The following EBF2 variants were observed in gnomAD, a reference collection of about 807,000 sequenced individuals.
EBF2 encodes transcription factor COE2.
EBF2 carries 21 observed loss-of-function variants against 72.8 expected under a neutral mutation model. That is an observed-to-expected ratio of 0.29 (90% CI 0.20 to 0.42). The LOEUF (loss-of-function observed/expected upper bound fraction) is 0.42. Ranked by LOEUF, EBF2 falls within the 10% of genes least tolerant of loss-of-function variation. The pLI, the probability that EBF2 is intolerant of heterozygous loss-of-function variation, is 1.00. For synonymous variants in EBF2, 299 were observed against 274.2 expected (o/e 1.09, Z -0.89); for missense variants, 637 against 731.2 (o/e 0.87, Z 1.49).
chr8:25,946,345 A>G (rs1177000178), intron 6 of EBF2, among the ~76,000 whole-genome samples: 1 of 152,230 alleles, frequency 6.6e-6, no homozygotes, highest in African/African-American at 2.4e-5. Context: ...TCATAACGGT[A>G]TCTCTAATGC....
intron 6 of EBF2, among the ~76,000 whole-genome samples, chr8:26,021,995 T>G (rs1357357792): frequency 6.6e-6 from 1 of 152,212 alleles, no homozygotes; most frequent in Non-Finnish European, 1.5e-5. Context: ...CCACACAAAA[T>G]CACTGATTAT....
chr8:25,954,691 C>T (rs1424418077), intron 6 of EBF2, among the ~76,000 whole-genome samples: 1 of 152,156 alleles, frequency 6.6e-6, no homozygotes, highest in African/African-American at 2.4e-5. Flanking sequence ...CTTCCAGCAC[C>T]GCCCCCGCCC....
intron 6 of EBF2, among the ~76,000 whole-genome samples, chr8:25,912,466 G>GCGCACA (rs1554569532): frequency 7.3e-6 from 1 of 136,856 alleles, no homozygotes; most frequent in Non-Finnish European, 1.5e-5. Context: ...TCTAAAAATG[G>GCGCACA]CACACACACA....
chr8:25,862,769 G>C lies in EBF2; in HGVS notation c.1038C>G (p.Gly346=). The C allele has an allele frequency of 6.2e-7, 1 of 1,606,526 alleles. No individual in the cohort carries two copies. The highest frequency in any genetic ancestry group is 8.5e-7 in the Non-Finnish European group (1 of 1,175,722). ...TALNEPTIDY[G]FQRLQKVIPR... is the part of the protein sequence containing the mutation. ...GGATGACCTTCTGCAGTCTCTGGAAGCCATAGTCTATGGTGGGTTCATTTA... is the reference window on the plus strand; with the variant it reads ...GGATGACCTTCTGCAGTCTCTGGAACCCATAGTCTATGGTGGGTTCATTTA... Residue 346 remains glycine (G), a synonymous_variant, in exon 11 of 16, where the codon GGC becomes GGG. Transcript: ENST00000520164.
intron 6 of EBF2, among the ~76,000 whole-genome samples, chr8:25,916,340 A>C (rs1014925627): frequency 2.0e-5 from 3 of 152,040 alleles, no homozygotes; most frequent in Non-Finnish European, 4.4e-5. Flanking sequence ...ACAACAACAA[A>C]AAAACACTTT....
intron 6 of EBF2, among the ~76,000 whole-genome samples, chr8:25,913,398 G>A (rs1045181480): frequency 6.6e-6 from 1 of 151,924 alleles, no homozygotes; most frequent in Non-Finnish European, 1.5e-5. Flanking sequence ...CCGAGATCAC[G>A]CCACTGCACT....
At chr8:26,043,049 C>A (rs1340944448) in intron 1 of EBF2, among the ~76,000 whole-genome samples, 1 of 152,228 alleles carries the variant, frequency 6.6e-6, no homozygotes, top group African/African-American at 2.4e-5. Context: ...GGGGCCAACG[C>A]GATCCCCACT....
chr8:25,992,428 T>TC (rs1465633557), intron 6 of EBF2, among the ~76,000 whole-genome samples: 4 of 145,228 alleles, frequency 2.8e-5, no homozygotes, highest in African/African-American at 1.0e-4. Context: ...AAACACCAGC[T>TC]CAGTGGAGCT....
intron 6 of EBF2, among the ~76,000 whole-genome samples, chr8:25,963,748 G>A (rs1804072562): frequency 6.6e-6 from 1 of 152,188 alleles, no homozygotes. Flanking sequence ...GTATGTTAAT[G>A]TCAAGTATGC....
At chr8:25,925,231 T>C (rs1260861508) in intron 6 of EBF2, among the ~76,000 whole-genome samples, 2 of 152,150 alleles carry the variant, frequency 1.3e-5, no homozygotes, top group African/African-American at 4.8e-5. Context: ...TTGTAACTCT[T>C]GCAATTTTGA....
chr8:25,988,005 CA>C (rs1804488985), intron 6 of EBF2, among the ~76,000 whole-genome samples: 1 of 152,154 alleles, frequency 6.6e-6, no homozygotes, highest in African/African-American at 2.4e-5. Context: ...AGGTGCATTC[CA>C]AGGACAGCTT....
chr8:25,990,147 C>A (rs59925999), intron 6 of EBF2, among the ~76,000 whole-genome samples: 12,456 of 151,704 alleles, frequency 0.082, 1,569 homozygotes, highest in African/African-American at 0.27. Context: ...AAAAAAATGT[C>A]CTTATACATC....
intron 14 of EBF2, among the ~76,000 whole-genome samples, chr8:25,851,101 G>A (rs959157734): frequency 6.6e-6 from 1 of 152,024 alleles, no homozygotes; most frequent in Non-Finnish European, 1.5e-5. Flanking sequence ...TGGCAAGAGA[G>A]AAGACTGAGA....
chr8:25,898,463 A>AAAAAAAC (rs1207604097), intron 7 of EBF2, among the ~76,000 whole-genome samples: 1 of 151,410 alleles, frequency 6.6e-6, no homozygotes, highest in African/African-American at 2.4e-5. Context: ...AAAAAAAAAA[A>AAAAAAAC]CCAGCTTTTC....
chr8:25,947,891 C>A (rs781753952), intron 6 of EBF2, among the ~76,000 whole-genome samples: 4 of 152,198 alleles, frequency 2.6e-5, no homozygotes, highest in Non-Finnish European at 5.9e-5. Context: ...CCTTGATAAA[C>A]AATGACCTTC....
intron 10 of EBF2, among the ~76,000 whole-genome samples, chr8:25,875,458 G>A (rs1382954868): frequency 4.6e-5 from 7 of 152,076 alleles, no homozygotes; most frequent in Admixed American, 3.3e-4. Flanking sequence ...CTGCCCCAGC[G>A]CCAGGTTCTC....
At chr8:25,947,773 CT>C (rs1803796275) in intron 6 of EBF2, among the ~76,000 whole-genome samples, 1 of 152,224 alleles carries the variant, frequency 6.6e-6, no homozygotes. Flanking sequence ...CCAGGTAACC[CT>C]TCTTCATCTT....
chr8:25,951,002 A>G (rs999594005), intron 6 of EBF2, among the ~76,000 whole-genome samples: 5 of 152,222 alleles, frequency 3.3e-5, no homozygotes, highest in Admixed American at 3.3e-4. Flanking sequence ...TAGATTTTAA[A>G]GGATAAAAAA....
At chr8:25,928,402 C>T (rs1905869) in intron 6 of EBF2, among the ~76,000 whole-genome samples, 46 of 152,188 alleles carry the variant, frequency 3.0e-4, no homozygotes, top group Non-Finnish European at 6.0e-4. Context: ...TCCCTGTCCT[C>T]TTCTCCCCAC....
Sources: gnomAD v4.1 joint callset for allele counts (sites outside exome capture counted in the v4.1 genomes callset) on GRCh38, gnomAD v4.1.1 for gene constraint, MANE v1.5 for transcripts, NCBI Gene and HGNC (gene_info 2026-07-23, HGNC 2026-07-21) for gene names.